The following FPGS variants were observed in gnomAD, a reference collection of about 807,000 sequenced individuals.
The protein encoded by FPGS is folylpolyglutamate synthase, mitochondrial.
A neutral mutation model predicts 66.5 loss-of-function variants in FPGS; 53 were observed. The ratio of observed to expected loss-of-function variants is 0.80; its 90% CI spans 0.64 to 1.00. FPGS has a LOEUF of 1.00. Among genes scored for constraint, FPGS ranks in the 50% least tolerant of loss-of-function variants. The pLI is 0.00. For missense variants in FPGS, 702 were observed against 807.7 expected (o/e 0.87, Z 1.59); for synonymous variants, 348 against 350.9 (o/e 0.99, Z 0.09).
intron 4 of FPGS, 88 bp from the exon 5 acceptor site, chr9:127,806,885 C>T (rs1040366271): frequency 1.2e-5 from 11 of 956,046 alleles, no homozygotes; most frequent in Middle Eastern, 3.1e-4. Context: ...AGATGAGGCA[C>T]GGAGGCCAGT....
At position 127,807,295 on chromosome 9, in the gene FPGS, C is replaced by T; in HGVS notation, c.579+9C>T. On this transcript the variant is annotated intron_variant, in intron 6 of 14. Coordinates refer to ENST00000373247, the MANE Select transcript of FPGS (RefSeq NM_004957.6). The surrounding 1 kb of genome is among the most constrained non-coding windows in gnomAD (Gnocchi z 5.8). ...TCTTCCTCCAAGAGAAGGTGTGTGCCCTCTCCCTAGAACCCTGCATCTGAG... is the reference window on the plus strand; with the variant it reads ...TCTTCCTCCAAGAGAAGGTGTGTGCTCTCTCCCTAGAACCCTGCATCTGAG... The T allele has an allele frequency of 6.2e-7, 1 of 1,614,106 alleles. No homozygotes were observed. Among genetic ancestry groups the T allele is most frequent in the South Asian group, 1.1e-5 (1 of 91,082 alleles).
At chr9:127,803,413 G>A (rs1385346889) in intron 1 of FPGS, 6 of 1,050,342 alleles carry the variant, frequency 5.7e-6, no homozygotes, top group Non-Finnish European at 6.9e-6. Context: ...GGGTAGGGAA[G>A]AGACTCAGGA....
chr9:127,804,528 C>A lies in FPGS; in HGVS notation c.297C>A (p.Ile99=). 6.2e-7 allele frequency: 1 copy of A among 1,614,184 alleles called. No individual in the cohort carries two copies. The highest frequency in any genetic ancestry group is 1.7e-5 in the Admixed American group (1 of 60,024). Residue 99 remains isoleucine, a synonymous_variant, in exon 3 of 15, where the codon ATC becomes ATA. Coordinates refer to ENST00000373247, the MANE Select transcript of FPGS (RefSeq NM_004957.6). ...AGGACTTGGACCGGCTGAACATCATCCACGTCACTGGGACGAAGGGGAAGG... is the reference window on the plus strand; with the variant it reads ...AGGACTTGGACCGGCTGAACATCATACACGTCACTGGGACGAAGGGGAAGG... ...QVEDLDRLNI[I]HVTGTKGKGS...
intron 11 of FPGS, 115 bp from the exon 12 acceptor site, chr9:127,809,569 T>G: frequency 9.5e-7 from 1 of 1,047,272 alleles, no homozygotes; most frequent in Middle Eastern, 2.2e-4. Context: ...GCCGGGGTCC[T>G]GAGTGTTGAG....
intron 4 of FPGS, among the ~76,000 whole-genome samples, chr9:127,805,034 A>G (rs1299954932): frequency 6.6e-6 from 1 of 151,892 alleles, no homozygotes; most frequent in Non-Finnish European, 1.5e-5. Flanking sequence ...GATTACAGGC[A>G]CCTGCCACCA....
chr9:127,814,088 A>AC, downstream of FPGS: 2 of 986,068 alleles, frequency 2.0e-6, no homozygotes, highest in Non-Finnish European at 2.4e-6. Context: ...CTGACCCTTG[A>AC]CCCCCTGCTC....
In FPGS at chr9:127,808,932, CTG is replaced by C. The variant is rs574507145; in HGVS notation, c.1060+46_1060+47del. On this transcript the variant is annotated intron_variant, in intron 11 of 14. Coordinates refer to ENST00000373247, the MANE Select transcript of FPGS (RefSeq NM_004957.6). Reference sequence around the variant, plus strand: ...GCCCAGCTGGGACCACTGCGTGTGTCTGTGCCCCTTCAGATTTTTTTTTTTTT... The same window carrying C: ...GCCCAGCTGGGACCACTGCGTGTGTCTGCCCCTTCAGATTTTTTTTTTTTT... The C allele has an allele frequency of 3.5e-4, 403 of 1,161,158 alleles. 2 individuals are homozygous for C. The African/African-American group carries it at 5.5e-3, about 16-fold the overall frequency. 71.9% of individuals were successfully genotyped at this position (1,161,158 alleles called of 1,614,324 possible). A position where few individuals can be genotyped will look rare whatever the true frequency, so the allele number is the denominator to read the frequency against.
rs1016534186 is a variant in FPGS, at chr9:127,803,213, G to A, written c.138+151G>A. The A allele has an allele frequency of 8.0e-6, 10 of 1,252,594 alleles. No individual in the cohort carries two copies. The East Asian group carries it at 1.3e-4, about 16-fold the overall frequency. The allele number at this position is 1,252,594 out of a possible 1,614,324, so 77.6% of individuals were successfully genotyped here. On this transcript the variant is annotated intron_variant, in intron 1 of 14. Transcript: ENST00000373247. ...GGGCGGAACATCCTGGAGGCTGGGG[G>A]TGGGGACAGGGACCAGGAAGTTGGG...
chr9:127,806,883 C>A, intron 4 of FPGS, 90 bp from the exon 5 acceptor site: 2 of 930,654 alleles, frequency 2.1e-6, no homozygotes, highest in South Asian at 1.3e-5. Context: ...AGAGATGAGG[C>A]ACGGAGGCCA....
At chr9:127,804,931 C>T in intron 4 of FPGS, 1 of 512,838 alleles carries the variant, frequency 1.9e-6, no homozygotes, top group South Asian at 2.2e-5. Context: ...CTCTATCGCC[C>T]AGGCTGGAGT....
At chr9:127,806,332 C>T (rs1193673350) in intron 4 of FPGS, among the ~76,000 whole-genome samples, 4 of 152,076 alleles carry the variant, frequency 2.6e-5, no homozygotes, top group Non-Finnish European at 4.4e-5. Context: ...ATGGCGTAAC[C>T]CTGTCTCTAC....
chr9:127,813,283 G>A lies in FPGS; in HGVS notation c.1443G>A (p.Gln481=). Residue 481 remains glutamine, a synonymous_variant, in exon 15 of 15, where the codon CAG becomes CAA. Transcript: ENST00000373247. ...ACTGGAACCACCTGGACGAAGAGCA[G>A]GCCAGCCCGGACCTCTGGAGTGCCC... ...QQHWNHLDEE[Q]ASPDLWSAPS... 1 of 1,613,094 alleles carries A rather than the reference G, an allele frequency of 6.2e-7. No individual in the cohort carries two copies. Among genetic ancestry groups the A allele is most frequent in the Non-Finnish European group, 8.5e-7 (1 of 1,179,936 alleles).
Position 127,813,656 on chromosome 9 carries a change from C to T in FPGS, c.*52C>T. On this transcript the variant is annotated 3_prime_UTR_variant, in exon 15 of 15. Coordinates refer to ENST00000373247, the MANE Select transcript of FPGS (RefSeq NM_004957.6). Reference sequence around the variant, plus strand: ...CTTCCCACACCTGCCTGCGTTCTCCCCATGAACTTACATACTAGGTGCCTT... The same window carrying T: ...CTTCCCACACCTGCCTGCGTTCTCCTCATGAACTTACATACTAGGTGCCTT... 2.0e-6 allele frequency: 3 copies of T among 1,486,266 alleles called. No homozygotes were observed. The highest frequency in any genetic ancestry group is 2.7e-6 in the Non-Finnish European group (3 of 1,118,356). 92.1% of individuals were successfully genotyped at this position (1,486,266 alleles called of 1,614,324 possible). A position where few individuals can be genotyped will look rare whatever the true frequency, so the allele number is the denominator to read the frequency against.
rs533224586 is a variant in FPGS, at chr9:127,809,849, T to TGG, written c.1211+19_1211+20dup. On this transcript the variant is annotated intron_variant, in intron 12 of 14. Transcript: ENST00000373247. ...AGGCCGAGCGGGTGAGGGGCAGGGC[T>TGG]GGGGGTGGGGCCGGGGCTGGCCCAC... 2.3e-6 allele frequency: 2 copies of TGG among 873,076 alleles called. No homozygotes were observed. The highest frequency in any genetic ancestry group is 1.6e-6 in the Non-Finnish European group (1 of 632,752). 54.1% of individuals were successfully genotyped at this position (873,076 alleles called of 1,614,324 possible).
At chr9:127,811,732 C>T (rs1830089313) in intron 14 of FPGS, among the ~76,000 whole-genome samples, 1 of 152,056 alleles carries the variant, frequency 6.6e-6, no homozygotes, top group Non-Finnish European at 1.5e-5. Flanking sequence ...ATGATCCACC[C>T]ACCTCAGCCT....
At chr9:127,808,110 A>G in intron 8 of FPGS, 124 bp from the exon 9 acceptor site, 1 of 711,394 alleles carries the variant, frequency 1.4e-6, no homozygotes, top group Non-Finnish European at 2.4e-6. Flanking sequence ...CATCTCGAAA[A>G]AGAAAAGAAA....
In FPGS at chr9:127,813,768, G is replaced by A; in HGVS notation, c.*164G>A. 7.6e-7 allele frequency: 1 copy of A among 1,312,020 alleles called. No homozygotes were observed. Among genetic ancestry groups the A allele is most frequent in the Non-Finnish European group, 9.6e-7 (1 of 1,037,406 alleles). 81.3% of individuals were successfully genotyped at this position (1,312,020 alleles called of 1,614,324 possible). A position where few individuals can be genotyped will look rare whatever the true frequency, so the allele number is the denominator to read the frequency against. On this transcript the variant is annotated 3_prime_UTR_variant, in exon 15 of 15. Coordinates refer to ENST00000373247, the MANE Select transcript of FPGS (RefSeq NM_004957.6). Reference sequence around the variant, plus strand: ...GGCCGGGAGAGGATGTCTTTTTTAAGGCTCTGTGCCTTGGTCTCTCCTTCC... The same window carrying A: ...GGCCGGGAGAGGATGTCTTTTTTAAAGCTCTGTGCCTTGGTCTCTCCTTCC...
At position 127,807,678 on chromosome 9, in the gene FPGS, G is replaced by C; in HGVS notation, c.734G>C (p.Gly245Ala). The part of the protein sequence containing the change: ...TVEKIAWQKG[G>A]IFKQGVPAFT... ...GAGAAGATCGCATGGCAGAAAGGGGGCATCTTTAAGGTGACCAGGCAGACT... is the reference window on the plus strand; with the variant it reads ...GAGAAGATCGCATGGCAGAAAGGGGCCATCTTTAAGGTGACCAGGCAGACT... The change falls in exon 8 of 15, where the codon GGC (glycine) becomes GCC (alanine). Residue 245 changes from glycine (G) to alanine (A), a missense_variant. Transcript: ENST00000373247. This position sits in a 1 kb window ranked among gnomAD's most constrained non-coding sequence, Gnocchi z 5.8. 1.3e-6 allele frequency: 2 copies of C among 1,588,890 alleles called. No homozygotes were observed. Among genetic ancestry groups the C allele is most frequent in the Non-Finnish European group, 1.7e-6 (2 of 1,172,052 alleles).
intron 1 of FPGS, among the ~76,000 whole-genome samples, 162 bp from the exon 2 acceptor site, chr9:127,804,123 T>C (rs1401370397): frequency 6.6e-6 from 1 of 152,206 alleles, no homozygotes; most frequent in Non-Finnish European, 1.5e-5. Flanking sequence ...GATGCCATAC[T>C]CTCTGTTGCT....
Sources: allele counts gnomAD v4.1 joint callset (sites outside exome capture counted in the v4.1 genomes callset), GRCh38; gene constraint gnomAD v4.1.1; non-coding constraint Gnocchi (gnomAD v3.1); transcripts MANE v1.5; gene names NCBI Gene and HGNC (gene_info 2026-07-23, HGNC 2026-07-21).